The following ATF6 variants were observed in gnomAD, a reference collection of about 807,000 sequenced individuals.
ATF6 encodes cyclic AMP-dependent transcription factor ATF-6 alpha.
Under a neutral mutation model 83.6 loss-of-function variants are expected in ATF6, and 53 were observed. The observed-to-expected ratio is 0.63, with a 90% confidence interval of 0.51 to 0.80. ATF6 has a LOEUF of 0.80. ATF6 is among the 30% of genes least tolerant of loss of function. The pLI, the probability that ATF6 is intolerant of heterozygous loss-of-function variation, is 0.00. For missense variants in ATF6, 744 were observed against 797.9 expected (o/e 0.93, Z 0.81); for synonymous variants, 288 against 285.8 (o/e 1.01, Z -0.08).
chr1:161,921,940 G>C (rs927283032), intron 15 of ATF6, among the ~76,000 whole-genome samples: 1 of 152,168 alleles, frequency 6.6e-6, no homozygotes, highest in African/African-American at 2.4e-5. Flanking sequence ...AAGAAATATA[G>C]AGTGGGAATC....
In ATF6 at chr1:161,792,120, C is replaced by T. The variant is rs373832803; in HGVS notation, c.485-4C>T. 73 of 1,613,160 alleles carry T rather than the reference C, an allele frequency of 4.5e-5. No individual in the cohort carries two copies. Among genetic ancestry groups the T allele is most frequent in the Non-Finnish European group, 5.8e-5 (68 of 1,179,902 alleles). ...GACTTGTGGTTTGTCTGGTTTTTCT[C>T]CAGAAAATGGACTGACTCCAAAGAA... On this transcript the variant is annotated splice_polypyrimidine_tract_variant and splice_region_variant and intron_variant, in intron 5 of 15. Transcript: ENST00000367942.
intron 15 of ATF6, among the ~76,000 whole-genome samples, chr1:161,945,300 A>G (rs112578212): frequency 0.013 from 1,960 of 152,318 alleles, 15 homozygotes; most frequent in South Asian, 0.017. Flanking sequence ...CAAAACACCA[A>G]TGCCCTCAGT....
Position 161,910,748 on chromosome 1 carries a change from G to C in ATF6, c.1720-1548G>C, listed in dbSNP as rs1171901732. 3.3e-5 allele frequency among the ~76,000 whole-genome samples: 5 copies of C among 152,182 alleles called. No homozygotes were observed. The South Asian group carries it at 8.3e-4, about 25-fold the overall frequency. Reference sequence around the variant, plus strand: ...TATAACTTTCATGGCTTGAAGATCAGCAAATTCTGTTTTTTCTTGGTTATA... The same window carrying C: ...TATAACTTTCATGGCTTGAAGATCACCAAATTCTGTTTTTTCTTGGTTATA... On this transcript the variant is annotated intron_variant, in intron 14 of 15. Coordinates refer to ENST00000367942, the MANE Select transcript of ATF6 (RefSeq NM_007348.4).
chr1:161,833,342 G>A (rs1015270085), intron 9 of ATF6, among the ~76,000 whole-genome samples: 14 of 152,262 alleles, frequency 9.2e-5, no homozygotes, highest in African/African-American at 2.6e-4. Context: ...CTAAAAATCA[G>A]AGCGCCTCTC....
intron 13 of ATF6, among the ~76,000 whole-genome samples, chr1:161,860,972 A>G (rs1419182633): frequency 1.3e-5 from 2 of 152,188 alleles, no homozygotes; most frequent in South Asian, 2.1e-4. Context: ...GGCAGAGTTC[A>G]AATTATAACT....
intron 14 of ATF6, among the ~76,000 whole-genome samples, chr1:161,897,118 A>G (rs566200617): frequency 3.3e-5 from 5 of 152,340 alleles, no homozygotes; most frequent in South Asian, 4.1e-4. Flanking sequence ...AGAATGGACT[A>G]TAATATTTTT....
chr1:161,941,542 T>A (rs1013191365), intron 15 of ATF6, among the ~76,000 whole-genome samples: 6 of 152,220 alleles, frequency 3.9e-5, no homozygotes, highest in African/African-American at 1.4e-4. Flanking sequence ...CTGTATTTGC[T>A]GTCATAAACC....
intron 15 of ATF6, among the ~76,000 whole-genome samples, chr1:161,924,470 G>C (rs1688270974): frequency 6.6e-6 from 1 of 152,208 alleles, no homozygotes. Flanking sequence ...ATATGTTCCT[G>C]TGTTAAGAAA....
intron 15 of ATF6, among the ~76,000 whole-genome samples, chr1:161,946,311 C>G (rs1275607838): frequency 6.6e-6 from 1 of 152,176 alleles, no homozygotes; most frequent in Non-Finnish European, 1.5e-5. Context: ...GAGTCTTTAT[C>G]AAACAGAAGT....
At chr1:161,949,882 AC>A (rs1688828082) in intron 15 of ATF6, among the ~76,000 whole-genome samples, 1 of 152,126 alleles carries the variant, frequency 6.6e-6, no homozygotes, top group Non-Finnish European at 1.5e-5. Context: ...TTTGGAGGGG[AC>A]AAATATCCAA....
chr1:161,867,521 T>G (rs1687033135), intron 14 of ATF6, among the ~76,000 whole-genome samples: 1 of 152,178 alleles, frequency 6.6e-6, no homozygotes, highest in South Asian at 2.1e-4. Context: ...AATACCATCC[T>G]TACATGTAGC....
rs1342119631 is a variant in ATF6 at position 161,963,008 on chromosome 1, A to G, written c.*4354A>G. The G allele has an allele frequency of 2.0e-5, 3 of 152,154 alleles. No homozygotes were observed. The South Asian group carries it at 6.2e-4, about 32-fold the overall frequency. 9.4% of individuals were successfully genotyped at this position (152,154 alleles called of 1,614,324 possible). On this transcript the variant is annotated 3_prime_UTR_variant, in exon 16 of 16. Coordinates refer to ENST00000367942, the MANE Select transcript of ATF6 (RefSeq NM_007348.4). ...TGAAATATAAGAAATGTTCGTTCCC[A>G]CCCCTAATAACATTTGGAAGTGAAT...
intron 1 of ATF6, among the ~76,000 whole-genome samples, chr1:161,770,574 T>C (rs767631845): frequency 4.6e-5 from 7 of 152,204 alleles, no homozygotes; most frequent in Non-Finnish European, 7.3e-5. Flanking sequence ...CCTATCAGAT[T>C]AGTGCCCCAC....
At chr1:161,849,224 A>G (rs191719330) in intron 10 of ATF6, among the ~76,000 whole-genome samples, 2 of 152,258 alleles carry the variant, frequency 1.3e-5, no homozygotes, top group South Asian at 2.1e-4. Context: ...TCAATGCTTC[A>G]TTTTAGGCTG....
chr1:161,813,852 AC>A, intron 7 of ATF6, among the ~76,000 whole-genome samples: 1 of 150,966 alleles, frequency 6.6e-6, no homozygotes, highest in African/African-American at 2.4e-5. Context: ...AATTACTATT[AC>A]TTTTATTTAG....
At chr1:161,918,824 G>C (rs1688149555) in intron 15 of ATF6, among the ~76,000 whole-genome samples, 1 of 152,184 alleles carries the variant, frequency 6.6e-6, no homozygotes, top group African/African-American at 2.4e-5. Flanking sequence ...AGAAAGTGAA[G>C]ACAGAAATTC....
intron 15 of ATF6, among the ~76,000 whole-genome samples, chr1:161,926,626 C>G (rs1426907359): frequency 6.6e-6 from 1 of 152,160 alleles, no homozygotes; most frequent in Non-Finnish European, 1.5e-5. Context: ...CTGTTGGTTA[C>G]TTAGACCAAC....
chr1:161,950,805 A>AT (rs1688848061), intron 15 of ATF6, among the ~76,000 whole-genome samples: 1 of 152,204 alleles, frequency 6.6e-6, no homozygotes, highest in African/African-American at 2.4e-5. Flanking sequence ...ACATAATCAG[A>AT]TGTCAGTTTG....
In ATF6 at chr1:161,958,814, C is replaced by A; in HGVS notation, c.*160C>A. On this transcript the variant is annotated 3_prime_UTR_variant, in exon 16 of 16. Coordinates refer to ENST00000367942, the MANE Select transcript of ATF6 (RefSeq NM_007348.4). ...AAATAAAAGAAGCTGCTCCATTTTT[C>A]ATCATCTACCCATCTATTTGGAAAG... 1.7e-6 allele frequency: 1 copy of A among 592,688 alleles called. No homozygotes were observed. Among genetic ancestry groups the A allele is most frequent in the Non-Finnish European group, 2.8e-6 (1 of 354,318 alleles). The allele number at this position is 592,688 out of a possible 1,614,324, so 36.7% of individuals were successfully genotyped here. A position where few individuals can be genotyped will look rare whatever the true frequency, so the allele number is the denominator to read the frequency against.
Sources: gnomAD v4.1 joint callset for allele counts (sites outside exome capture counted in the v4.1 genomes callset) on GRCh38, gnomAD v4.1.1 for gene constraint, MANE v1.5 for transcripts, NCBI Gene and HGNC (gene_info 2026-07-23, HGNC 2026-07-21) for gene names.